The following PDE8B variants were observed in gnomAD, a reference collection of about 807,000 sequenced individuals.
PDE8B encodes high affinity cAMP-specific and IBMX-insensitive 3',5'-cyclic phosphodiesterase 8B.
Under a neutral mutation model 101.3 loss-of-function variants are expected in PDE8B, and 26 were observed. The observed-to-expected ratio is 0.26, with a 90% confidence interval of 0.19 to 0.36. The LOEUF (loss-of-function observed/expected upper bound fraction) is 0.36, where lower values mean the gene tolerates loss of function less well. Ranked by LOEUF, PDE8B falls within the 10% of genes least tolerant of loss-of-function variation. PDE8B has a pLI of 1.00. For missense variants in PDE8B, 810 were observed against 1,163.1 expected, an observed-to-expected ratio of 0.70 and a Z score of 4.42; for synonymous variants, 424 against 429.3, an observed-to-expected ratio of 0.99 and a Z score of 0.15.
At chr5:77,419,306 A>C (rs2242160) in intron 18 of PDE8B, among the ~76,000 whole-genome samples, 44,841 of 151,956 alleles carry the variant, frequency 0.3, 7,021 homozygotes, top group South Asian at 0.44. Context: ...CAGTCTAGAG[A>C]ATTACTTATT....
At chr5:77,111,873 T>C in the PDE8B span, 3 of 152,162 alleles carry the variant, frequency 2.0e-5, no homozygotes, top group African/African-American at 7.2e-5. Flanking sequence ...GGGTCCTCTC[T>C]AATAGGCTAT....
chr5:77,404,133 A>G (rs188297107), intron 11 of PDE8B, among the ~76,000 whole-genome samples: 148 of 152,140 alleles, frequency 9.7e-4, no homozygotes, highest in African/African-American at 3.5e-3. Flanking sequence ...GATTACAGGC[A>G]TGCTCAACCA....
intron 1 of PDE8B, among the ~76,000 whole-genome samples, chr5:77,233,696 G>A (rs191785498): frequency 1.8e-4 from 26 of 143,084 alleles, no homozygotes; most frequent in African/African-American, 6.4e-4. Context: ...GTGTGTGTGT[G>A]TGTGCAGTAG....
At chr5:77,290,493 G>T in intron 1 of PDE8B, 1 of 1,467,820 alleles carries the variant, frequency 6.8e-7, no homozygotes, top group Non-Finnish European at 9.5e-7. Context: ...AATCTGGGCA[G>T]ATATTCCTGC....
intron 1 of PDE8B, among the ~76,000 whole-genome samples, chr5:77,269,362 A>T (rs1157133644): frequency 6.6e-6 from 1 of 152,138 alleles, no homozygotes; most frequent in Non-Finnish European, 1.5e-5. Context: ...CTCCTTATAT[A>T]TTTTGGTTAT....
At chr5:77,338,684 G>T (rs1019919405) in intron 6 of PDE8B, among the ~76,000 whole-genome samples, 7 of 152,020 alleles carry the variant, frequency 4.6e-5, no homozygotes, top group African/African-American at 1.4e-4. Flanking sequence ...ATTCCTGGGG[G>T]TCTCTACTGT....
chr5:77,187,273 G>T, the PDE8B span, among the ~76,000 whole-genome samples: 4 of 152,304 alleles, frequency 2.6e-5, no homozygotes, highest in African/African-American at 9.6e-5. Flanking sequence ...CAAATATTTG[G>T]CATTGGAGGG....
chr5:77,412,337 C>T, intron 16 of PDE8B, 102 bp downstream of exon 16: 1 of 1,183,360 alleles, frequency 8.5e-7, no homozygotes, highest in Non-Finnish European at 1.2e-6. Flanking sequence ...TGTGAGAGAC[C>T]TCACGGGTTC....
chr5:77,333,245 C>T (rs919432631), intron 5 of PDE8B, among the ~76,000 whole-genome samples: 4 of 152,196 alleles, frequency 2.6e-5, no homozygotes, highest in Non-Finnish European at 4.4e-5. Flanking sequence ...TTCTTAGGTG[C>T]TATATCTTAA....
Position 77,426,518 on chromosome 5 carries a change from A to G in PDE8B, c.2622A>G (p.Leu874=), listed in dbSNP as rs61735409. Residue 874 remains leucine, a synonymous_variant, in exon 22 of 22, where the codon CTA becomes CTG. Coordinates refer to ENST00000264917, the MANE Select transcript of PDE8B (RefSeq NM_003719.5). ...NYKHWKTLDD[L]KCKSLRLPSD... ...AACACTGGAAGACACTAGATGACCTAAAGTGCAAAAGTTTGAGGCTTCCAT... is the reference window on the plus strand; with the variant it reads ...AACACTGGAAGACACTAGATGACCTGAAGTGCAAAAGTTTGAGGCTTCCAT... 1,003 of 1,613,166 alleles carry G rather than the reference A, an allele frequency of 6.2e-4. No individual in the cohort carries two copies. Among genetic ancestry groups the G allele is most frequent in the Middle Eastern group, 3.1e-3 (19 of 6,060 alleles).
intron 2 of PDE8B, 129 bp from the exon 3 acceptor site, chr5:77,325,410 T>C (rs1775860514): frequency 1.2e-6 from 1 of 829,588 alleles, no homozygotes; most frequent in African/African-American, 1.7e-5. Flanking sequence ...GCTTAAGTAG[T>C]CCACTGCCTC....
At chr5:77,112,724 A>G in the PDE8B span, 1 of 152,188 alleles carries the variant, frequency 6.6e-6, no homozygotes, top group African/African-American at 2.4e-5. Context: ...AGGAAGTCAA[A>G]TTGTCCCTGT....
chr5:77,119,836 C>A, the PDE8B span, among the ~76,000 whole-genome samples: 4 of 151,762 alleles, frequency 2.6e-5, no homozygotes, highest in Non-Finnish European at 4.4e-5. Flanking sequence ...ATAGCAAGAC[C>A]CTGTTTTCAC....
At chr5:77,274,642 A>G (rs1763480272) in intron 1 of PDE8B, among the ~76,000 whole-genome samples, 1 of 152,214 alleles carries the variant, frequency 6.6e-6, no homozygotes, top group Non-Finnish European at 1.5e-5. Context: ...TGCTTTATTG[A>G]TCTCATCAAA....
At chr5:77,088,625 G>A in the PDE8B span, 2 of 152,192 alleles carry the variant, frequency 1.3e-5, no homozygotes, top group Admixed American at 6.5e-5. Flanking sequence ...ACCGTCCAGC[G>A]GTGGATTCTC....
chr5:77,145,063 A>G, the PDE8B span: 5 of 152,166 alleles, frequency 3.3e-5, no homozygotes, highest in African/African-American at 7.2e-5. Context: ...TTATAAACTA[A>G]TTGATTATCC....
intron 1 of PDE8B, among the ~76,000 whole-genome samples, chr5:77,278,713 C>G (rs1036150414): frequency 6.6e-6 from 1 of 152,116 alleles, no homozygotes; most frequent in African/African-American, 2.4e-5. Context: ...TCGTGATTCC[C>G]AAAGTGCTGG....
chr5:77,224,196 G>T (rs1223402281), intron 1 of PDE8B, among the ~76,000 whole-genome samples: 1 of 152,098 alleles, frequency 6.6e-6, no homozygotes, highest in East Asian at 1.9e-4. Flanking sequence ...GAAAAATAAG[G>T]ATAGTGAAAG....
At chr5:77,343,420 G>C (rs11748016) in intron 6 of PDE8B, among the ~76,000 whole-genome samples, 2 of 152,100 alleles carry the variant, frequency 1.3e-5, no homozygotes, top group South Asian at 4.1e-4. Flanking sequence ...GCATGTTACT[G>C]TACTGAATAC....
Sources: gnomAD v4.1 joint callset for allele counts (sites outside exome capture counted in the v4.1 genomes callset) on GRCh38, gnomAD v4.1.1 for gene constraint, MANE v1.5 for transcripts, NCBI Gene and HGNC (gene_info 2026-07-23, HGNC 2026-07-21) for gene names.